The following IQCC variants were observed in gnomAD, a reference collection of about 807,000 sequenced individuals.
The protein encoded by IQCC is IQ domain-containing protein C.
IQCC carries 23 observed loss-of-function variants against 27.0 expected under a neutral mutation model. That is an observed-to-expected ratio of 0.85 (90% CI 0.61 to 1.21). The LOEUF is 1.21. Ranked by LOEUF, IQCC falls within the 50% of genes most tolerant of loss-of-function variation. The pLI, the probability that IQCC is intolerant of heterozygous loss-of-function variation, is 0.00. For missense variants in IQCC, 552 were observed against 562.3 expected, an observed-to-expected ratio of 0.98 and a Z score of 0.19; for synonymous variants, 220 against 217.2, an observed-to-expected ratio of 1.01 and a Z score of -0.11.
rs752060024 is a variant in IQCC at position 32,207,405 on chromosome 1, G to A, written c.724G>A (p.Glu242Lys). 2 of 1,613,962 alleles carry A rather than the reference G, an allele frequency of 1.2e-6. No individual in the cohort carries two copies. The highest frequency in any genetic ancestry group is 2.2e-5 in the South Asian group (2 of 91,088). Residue 242 changes from glutamate (E) to lysine (K), a missense_variant, in exon 5 of 5, where the codon GAA becomes AAA. Coordinates refer to ENST00000291358, the MANE Select transcript of IQCC (RefSeq NM_018134.3). ...CAGAGACAGGACCACTGGAGAGCTA[G>A]AACAGGAGGATGACTCCTGTCACAG... is the stretch of plus-strand genomic sequence containing the variant. ...SYRDRTTGEL[E>K]QEDDSCHRVK...
Position 32,208,222 on chromosome 1 carries a change from G to A in IQCC, c.*140G>A. ...CCATTGGTGACTAGTGGGGCCAAGA[G>A]AAGCTGGAGCAGAGAGCTGGCATGA... is the stretch of plus-strand genomic sequence containing the variant. On this transcript the variant is annotated 3_prime_UTR_variant, in exon 5 of 5. Coordinates refer to ENST00000291358, the MANE Select transcript of IQCC (RefSeq NM_018134.3). 2.3e-6 allele frequency: 2 copies of A among 874,340 alleles called. No individual in the cohort carries two copies. The highest frequency in any genetic ancestry group is 3.5e-6 in the Non-Finnish European group (2 of 578,104). The allele number at this position is 874,340 out of a possible 1,614,324, so 54.2% of individuals were successfully genotyped here.
intron 3 of IQCC, 56 bp downstream of exon 3, chr1:32,206,817 C>G (rs918980895): frequency 3.3e-5 from 53 of 1,585,732 alleles, no homozygotes; most frequent in Middle Eastern, 3.4e-4. Flanking sequence ...CCTCAGCCTC[C>G]CATCTGAAGA....
At chr1:32,206,428 C>T in intron 2 of IQCC, 81 bp from the exon 3 acceptor site, 3 of 1,604,534 alleles carry the variant, frequency 1.9e-6, no homozygotes, top group Non-Finnish European at 1.7e-6. Flanking sequence ...TTAACCCTCA[C>T]CAACTTGTCT....
In IQCC at chr1:32,208,171, G is replaced by C. The variant is rs1047538248; in HGVS notation, c.*89G>C. 4 of 1,392,420 alleles carry C rather than the reference G, an allele frequency of 2.9e-6. No homozygotes were observed. The African/African-American group carries it at 4.4e-5, about 15-fold the overall frequency. 86.3% of individuals were successfully genotyped at this position (1,392,420 alleles called of 1,614,324 possible). On this transcript the variant is annotated 3_prime_UTR_variant, in exon 5 of 5. Transcript: ENST00000291358. ...AGACCTCATCCTACCTCCCTGACCA[G>C]CTCTGGCTTCTGCTCCTGCCCCTGG...
Position 32,208,150 on chromosome 1 carries a change from C to G in IQCC, c.*68C>G. 2.1e-6 allele frequency: 3 copies of G among 1,453,790 alleles called. No homozygotes were observed. Among genetic ancestry groups the G allele is most frequent in the Non-Finnish European group, 2.7e-6 (3 of 1,092,076 alleles). The allele number at this position is 1,453,790 out of a possible 1,614,324, so 90.1% of individuals were successfully genotyped here. ...CTATGAAAGGGCAGTGAGACAAGAC[C>G]TCATCCTACCTCCCTGACCAGCTCT... is the stretch of plus-strand genomic sequence containing the variant. On this transcript the variant is annotated 3_prime_UTR_variant, in exon 5 of 5. Transcript: ENST00000291358.
rs919222883 is a variant in IQCC, at chr1:32,205,860, C to G, written c.42+137C>G. ...CAACCTCTGGAGATACCGGCTGTCC[C>G]CAACCGCGCTGAGGAAAGCTGGGAC... On this transcript the variant is annotated intron_variant, in intron 1 of 4. Transcript: ENST00000291358. This position sits in a 1 kb window ranked among gnomAD's most constrained non-coding sequence, Gnocchi z 5.6. The G allele has an allele frequency of 1.9e-6, 3 of 1,553,462 alleles. No individual in the cohort carries two copies. The African/African-American group carries it at 4.1e-5, about 21-fold the overall frequency.
chr1:32,206,765 C>A lies in IQCC; in HGVS notation c.439+4C>A. 2.5e-6 allele frequency: 4 copies of A among 1,613,920 alleles called. No individual in the cohort carries two copies. The highest frequency in any genetic ancestry group is 3.3e-5 in the Admixed American group (2 of 59,966). ...ACGACAAGGATGGAGAATCCAGGTA[C>A]CTCTCTGCAAAGATCAGGGCAAGCC... On this transcript the variant is annotated splice_donor_region_variant and intron_variant, in intron 3 of 4. Transcript: ENST00000291358.
In IQCC at chr1:32,205,744, T is replaced by G. The variant is rs1569690747; in HGVS notation, c.42+21T>G. 6.2e-7 allele frequency: 1 copy of G among 1,610,842 alleles called. No individual in the cohort carries two copies. Reference sequence around the variant, plus strand: ...TGCAGGTGCGGGGGCGGGCGCGGGGTTCACAGGATTTTTCCTTTAGGGAAA... The same window carrying G: ...TGCAGGTGCGGGGGCGGGCGCGGGGGTCACAGGATTTTTCCTTTAGGGAAA... On this transcript the variant is annotated intron_variant, in intron 1 of 4. Coordinates refer to ENST00000291358, the MANE Select transcript of IQCC (RefSeq NM_018134.3). The surrounding 1 kb of genome is among the most constrained non-coding windows in gnomAD (Gnocchi z 5.6).
Position 32,207,112 on chromosome 1 carries a change from C to G in IQCC, c.550C>G (p.Arg184Gly), listed in dbSNP as rs139065150. 3 of 1,607,252 alleles carry G rather than the reference C, an allele frequency of 1.9e-6. No individual in the cohort carries two copies. The highest frequency in any genetic ancestry group is 1.7e-5 in the Admixed American group (1 of 59,324). The change falls in exon 4 of 5, where the codon CGT becomes GGT. Residue 184 changes from arginine to glycine, a missense_variant. Transcript: ENST00000291358. ...GTGGCTGCAACAGGCCATCAATAGC[C>G]GTAAGGAGGTAACACTAACCTGGAA... ...LLWLQQAINS[R>G]KEYLLLKQTL...
Position 32,207,343 on chromosome 1 carries a change from A to G in IQCC, c.662A>G (p.Gln221Arg). 2 of 1,614,108 alleles carry G rather than the reference A, an allele frequency of 1.2e-6. No individual in the cohort carries two copies. Among genetic ancestry groups the G allele is most frequent in the African/African-American group, 1.3e-5 (1 of 75,034 alleles). The change falls in exon 5 of 5, where the codon CAG becomes CGG. Residue 221 changes from glutamine to arginine, a missense_variant. Gln to Arg is a conservative substitution (Grantham distance 43). Transcript: ENST00000291358. ...GGGGAACAGGCCTGTGAGAGGGACC[A>G]GTCACAACCAAGCGCACCACTGGAG... is the stretch of plus-strand genomic sequence containing the variant. ...EHGEQACERD[Q>R]SQPSAPLEDQ...
chr1:32,206,172 T>G lies in IQCC; in HGVS notation c.61T>G (p.Leu21Val). 1 of 1,613,810 alleles carries G rather than the reference T, an allele frequency of 6.2e-7. No homozygotes were observed. Among genetic ancestry groups the G allele is most frequent in the Non-Finnish European group, 8.5e-7 (1 of 1,179,710 alleles). Residue 21 changes from leucine to valine, a missense_variant, in exon 2 of 5, where the codon TTG becomes GTG. By Grantham distance (32) the Leu-to-Val change is conservative (BLOSUM62 1). Coordinates refer to ENST00000291358, the MANE Select transcript of IQCC (RefSeq NM_018134.3). ...SALQACVRGF[L>V]VRRQFQSLRA... ...ATACCAGGCCTGCGTCCGGGGCTTC[T>G]TGGTCCGACGCCAGTTCCAGAGCCT...
chr1:32,206,148 T>C lies in IQCC; in HGVS notation c.43-6T>C, dbSNP rs760830976. 2.0e-5 allele frequency: 32 copies of C among 1,614,096 alleles called. No individual in the cohort carries two copies. The highest frequency in any genetic ancestry group is 2.6e-5 in the Non-Finnish European group (31 of 1,179,998). On this transcript the variant is annotated splice_region_variant and splice_polypyrimidine_tract_variant and intron_variant, in intron 1 of 4. Transcript: ENST00000291358. ...GGGACTTCTTTCCTCTCGTTCTCCA[T>C]ACCAGGCCTGCGTCCGGGGCTTCTT...
chr1:32,207,886 C>A lies in IQCC; in HGVS notation c.1205C>A (p.Pro402Gln). Residue 402 changes from proline (P) to glutamine (Q), a missense_variant, in exon 5 of 5, where the codon CCA becomes CAA. Pro to Gln is a moderately conservative substitution (Grantham distance 76, BLOSUM62 -1). Coordinates refer to ENST00000291358, the MANE Select transcript of IQCC (RefSeq NM_018134.3). ...GTCCTCGATCTCTGGAGGACTAAACCACCCAAAGGCCAGGCCCCCACTGAT... is the reference window on the plus strand; with the variant it reads ...GTCCTCGATCTCTGGAGGACTAAACAACCCAAAGGCCAGGCCCCCACTGAT... Reference protein sequence around the residue: ...HSVLDLWRTKPPKGQAPTDRS... With the variant: ...HSVLDLWRTKQPKGQAPTDRS... 6.2e-7 allele frequency: 1 copy of A among 1,614,110 alleles called. No homozygotes were observed.
intron 1 of IQCC, 149 bp from the exon 2 acceptor site, chr1:32,206,005 C>G (rs1248547618): frequency 6.3e-7 from 1 of 1,584,578 alleles, no homozygotes; most frequent in Non-Finnish European, 8.6e-7. Flanking sequence ...CTCGAGCCCC[C>G]CGGAGCCCTA....
In IQCC at chr1:32,208,072, C is replaced by T. The variant is rs41306593; in HGVS notation, c.1391C>T (p.Pro464Leu). The change falls in exon 5 of 5, where the codon CCA becomes CTA. Residue 464 changes from proline to leucine, a missense_variant. Coordinates refer to ENST00000291358, the MANE Select transcript of IQCC (RefSeq NM_018134.3). ...QWRGRPWKTE[P>L]PG The stretch of plus-strand genomic sequence containing the variant: ...AGGGGCAGGCCATGGAAAACAGAAC[C>T]ACCTGGCTAGACCCTAGGAAGCCAG... 5.6e-3 allele frequency: 9,023 copies of T among 1,609,112 alleles called. 54 individuals are homozygous for T. Among genetic ancestry groups the T allele is most frequent in the South Asian group, 0.011 (967 of 90,672 alleles).
intron 3 of IQCC, 36 bp downstream of exon 3, chr1:32,206,797 C>T: frequency 6.2e-7 from 1 of 1,603,740 alleles, no homozygotes; most frequent in Non-Finnish European, 8.5e-7. Context: ...AGCCCCTGAC[C>T]CTCACTGTGC....
rs1467788825 is a variant in IQCC at position 32,207,980 on chromosome 1, A to G, written c.1299A>G (p.Pro433=). Reference sequence around the variant, plus strand: ...GACAGAAAAAGCAGAGGACTATACCATGGAGATCAAAGTCACCTGAGATTC... The same window carrying G: ...GACAGAAAAAGCAGAGGACTATACCGTGGAGATCAAAGTCACCTGAGATTC... ...HEGQKKQRTI[P]WRSKSPEILS... The change falls in exon 5 of 5, where the codon CCA becomes CCG. Residue 433 remains proline, a synonymous_variant. Coordinates refer to ENST00000291358, the MANE Select transcript of IQCC (RefSeq NM_018134.3). 47 of 1,614,060 alleles carry G rather than the reference A, an allele frequency of 2.9e-5. No homozygotes were observed. The highest frequency in any genetic ancestry group is 3.9e-5 in the Non-Finnish European group (46 of 1,180,022).
Position 32,205,745 on chromosome 1 carries a change from T to C in IQCC, c.42+22T>C. On this transcript the variant is annotated intron_variant, in intron 1 of 4. Transcript: ENST00000291358. This position sits in a 1 kb window ranked among gnomAD's most constrained non-coding sequence, Gnocchi z 5.6. ...GCAGGTGCGGGGGCGGGCGCGGGGT[T>C]CACAGGATTTTTCCTTTAGGGAAAT... 1 of 1,611,294 alleles carries C rather than the reference T, an allele frequency of 6.2e-7. No homozygotes were observed. The highest frequency in any genetic ancestry group is 8.5e-7 in the Non-Finnish European group (1 of 1,179,416).
chr1:32,205,982 T>A lies in IQCC; in HGVS notation c.43-172T>A. ...CCTTAAGGCGAGGAGGGGCATCCAG[T>A]CTGGCATCGTCCCTCGAGCCCCCCG... On this transcript the variant is annotated intron_variant, in intron 1 of 4. Coordinates refer to ENST00000291358, the MANE Select transcript of IQCC (RefSeq NM_018134.3). This position sits in a 1 kb window ranked among gnomAD's most constrained non-coding sequence, Gnocchi z 5.6. 5.8e-6 allele frequency: 9 copies of A among 1,558,678 alleles called. No homozygotes were observed. The highest frequency in any genetic ancestry group is 7.8e-6 in the Non-Finnish European group (9 of 1,150,182).
Sources: gnomAD v4.1 joint callset for allele counts on GRCh38, gnomAD v4.1.1 for gene constraint, Gnocchi (gnomAD v3.1) non-coding constraint, MANE v1.5 for transcripts, NCBI Gene and HGNC (gene_info 2026-07-23, HGNC 2026-07-21) for gene names.